The following CNTN4 variants were observed in gnomAD, a reference collection of about 807,000 sequenced individuals.
CNTN4 encodes the protein contactin-4.
In CNTN4, 77 loss-of-function variants were observed where a neutral mutation model predicts 122.5. The ratio of observed to expected loss-of-function variants is 0.63; its 90% confidence interval spans 0.52 to 0.76. The LOEUF (loss-of-function observed/expected upper bound fraction) is 0.76. CNTN4 is among the 30% of genes least tolerant of loss of function. CNTN4 has a pLI of 0.00. For missense variants in CNTN4, 1,256 were observed against 1,259.1 expected (o/e 1.00, Z 0.04); for synonymous variants, 512 against 447.0 (o/e 1.15, Z -1.83).
At chr3:2,384,770 GT>G (rs2046177980) in intron 3 of CNTN4, among the ~76,000 whole-genome samples, 1 of 151,824 alleles carries the variant, frequency 6.6e-6, no homozygotes, top group Non-Finnish European at 1.5e-5. Context: ...GCGTGTGTGT[GT>G]GTGTGTGTGT....
chr3:2,618,046 C>A (rs2081841240), intron 4 of CNTN4, among the ~76,000 whole-genome samples: 1 of 152,064 alleles, frequency 6.6e-6, no homozygotes, highest in Admixed American at 6.6e-5. Context: ...CTGTTCTGAG[C>A]ACTATCCACA....
chr3:2,816,681 C>T (rs949096295), intron 6 of CNTN4, among the ~76,000 whole-genome samples: 1 of 151,266 alleles, frequency 6.6e-6, no homozygotes, highest in Non-Finnish European at 1.5e-5. Flanking sequence ...ATTAGCTGGG[C>T]GTGGTGGTGC....
chr3:2,190,999 T>C (rs2149335717), intron 2 of CNTN4, among the ~76,000 whole-genome samples: 1 of 152,152 alleles, frequency 6.6e-6, no homozygotes, highest in African/African-American at 2.4e-5. Context: ...AAGTCTTGAG[T>C]TTTCAAGGAA....
At chr3:2,617,929 A>T (rs2081836307) in intron 4 of CNTN4, among the ~76,000 whole-genome samples, 1 of 152,188 alleles carries the variant, frequency 6.6e-6, no homozygotes, top group Admixed American at 6.5e-5. Flanking sequence ...CATATTGAGC[A>T]CATTACAACA....
At chr3:2,206,635 G>C (rs549500195) in intron 2 of CNTN4, among the ~76,000 whole-genome samples, 1 of 147,056 alleles carries the variant, frequency 6.8e-6, no homozygotes, top group Non-Finnish European at 1.5e-5. Context: ...GATCAATTAT[G>C]GCCCCTATAC....
At chr3:2,422,871 T>A (rs1247605392) in intron 3 of CNTN4, among the ~76,000 whole-genome samples, 1 of 152,150 alleles carries the variant, frequency 6.6e-6, no homozygotes, top group African/African-American at 2.4e-5. Context: ...TTCCTGGAAA[T>A]TAATTAGTGG....
At chr3:3,052,669 G>A (rs1181717704) in intron 23 of CNTN4, among the ~76,000 whole-genome samples, 1 of 152,186 alleles carries the variant, frequency 6.6e-6, no homozygotes, top group Non-Finnish European at 1.5e-5. Context: ...TAGGAGGCTA[G>A]TTGGCCACCT....
intron 4 of CNTN4, among the ~76,000 whole-genome samples, chr3:2,626,475 C>T (rs111602846): frequency 0.12 from 18,342 of 147,140 alleles, 1,312 homozygotes; most frequent in Admixed American, 0.23. Flanking sequence ...CCAGCCTGGG[C>T]GACAGAGCAA....
At chr3:2,262,233 T>A (rs968208094) in intron 2 of CNTN4, 2 of 152,176 alleles carry the variant, frequency 1.3e-5, no homozygotes, top group Non-Finnish European at 2.9e-5. Flanking sequence ...ACTGGACCAA[T>A]TTTTCCAGAT....
At chr3:3,038,909 CTTG>C in intron 18 of CNTN4, 21 bp from the exon 19 acceptor site, 3 of 1,611,952 alleles carry the variant, frequency 1.9e-6, no homozygotes, top group Non-Finnish European at 2.5e-6. Context: ...CCTGACATAA[CTTG>C]TTTTTTGTCT....
At chr3:2,584,468 C>G (rs1211817364) in intron 4 of CNTN4, among the ~76,000 whole-genome samples, 7 of 152,060 alleles carry the variant, frequency 4.6e-5, no homozygotes, top group Non-Finnish European at 7.4e-5. Flanking sequence ...CTTTGTGAGG[C>G]TGAGGCGGGC....
At chr3:2,717,445 T>C (rs1186124936) in intron 4 of CNTN4, among the ~76,000 whole-genome samples, 1 of 152,218 alleles carries the variant, frequency 6.6e-6, no homozygotes, top group African/African-American at 2.4e-5. Flanking sequence ...AATTCATTGC[T>C]GTTTTATGTG....
chr3:2,346,415 C>G (rs1482924340), intron 3 of CNTN4, among the ~76,000 whole-genome samples: 1 of 152,042 alleles, frequency 6.6e-6, no homozygotes, highest in Non-Finnish European at 1.5e-5. Flanking sequence ...CAGGTTTTAA[C>G]TTACATAGAT....
chr3:2,309,607 A>T (rs930788644), intron 2 of CNTN4, among the ~76,000 whole-genome samples: 13 of 152,134 alleles, frequency 8.5e-5, no homozygotes, highest in Admixed American at 3.9e-4. Flanking sequence ...CAGATGTATT[A>T]TACCCTGTTT....
intron 2 of CNTN4, among the ~76,000 whole-genome samples, chr3:2,234,661 G>T (rs912500700): frequency 3.3e-5 from 5 of 152,254 alleles, no homozygotes; most frequent in Admixed American, 6.5e-5. Flanking sequence ...CAGATGCATT[G>T]TTGATTGCCT....
intron 3 of CNTN4, among the ~76,000 whole-genome samples, chr3:2,427,443 G>A (rs562697283): frequency 4.6e-5 from 7 of 152,274 alleles, no homozygotes; most frequent in African/African-American, 1.7e-4. Context: ...GAGACAGTTT[G>A]TTATACTTCC....
chr3:2,503,208 G>A lies in CNTN4; in HGVS notation c.-88-68208G>A, dbSNP rs76502049. ...GATTAGATGGGGAGGAGAGAGAATGGGTTCAGGATGTTTAATCTTCAAATA... is the reference window on the plus strand; with the variant it reads ...GATTAGATGGGGAGGAGAGAGAATGAGTTCAGGATGTTTAATCTTCAAATA... On this transcript the variant is annotated intron_variant, in intron 3 of 24. Coordinates refer to ENST00000418658, the MANE Select transcript of CNTN4 (RefSeq NM_175607.3). Among the ~76,000 whole-genome samples the A allele has an allele frequency of 1.3e-3, 199 of 152,182 alleles. 1 individual carries two copies. The highest frequency in any genetic ancestry group is 4.7e-3 in the African/African-American group (196 of 41,550).
chr3:2,351,742 G>C (rs1012338200), intron 3 of CNTN4, among the ~76,000 whole-genome samples: 1 of 151,600 alleles, frequency 6.6e-6, no homozygotes, highest in Admixed American at 6.6e-5. Context: ...TAGATAAGAG[G>C]GGACTACTGT....
intron 12 of CNTN4, among the ~76,000 whole-genome samples, chr3:2,919,353 G>GAAAA (rs200119254): frequency 9.2e-6 from 1 of 108,472 alleles, no homozygotes. Context: ...CTCTGTCTCA[G>GAAAA]AAAAAAAAAA....
Sources: gnomAD v4.1 joint callset for allele counts (sites outside exome capture counted in the v4.1 genomes callset) on GRCh38, gnomAD v4.1.1 for gene constraint, MANE v1.5 for transcripts, NCBI Gene and HGNC (gene_info 2026-07-23, HGNC 2026-07-21) for gene names.